Variants in IGSF5 observed in about 807,000 individuals in gnomAD.
The protein encoded by IGSF5 is immunoglobulin superfamily 5 like.
In IGSF5, 41 loss-of-function variants were observed where a neutral mutation model predicts 39.4. That is an observed-to-expected ratio of 1.04 (90% CI 0.81 to 1.35). The LOEUF is 1.35. Among genes scored for constraint, IGSF5 ranks in the 40% most tolerant of loss-of-function variants. The probability of loss-of-function intolerance (pLI) is 0.00; values close to 1 mark genes in which losing one functional copy is unlikely to be tolerated. For synonymous variants in IGSF5, 183 were observed against 175.3 expected, an observed-to-expected ratio of 1.04 and a Z score of -0.34; for missense variants, 487 against 494.6, an observed-to-expected ratio of 0.98 and a Z score of 0.15.
the IGSF5 span, among the ~76,000 whole-genome samples, chr21:39,735,200 C>G: frequency 6.6e-6 from 1 of 152,098 alleles, no homozygotes; most frequent in African/African-American, 2.4e-5. Flanking sequence ...CAAATATATG[C>G]TATGCTGGTA....
chr21:39,781,591 A>G (rs1285272224), intron 5 of IGSF5, among the ~76,000 whole-genome samples: 1 of 152,204 alleles, frequency 6.6e-6, no homozygotes, highest in Non-Finnish European at 1.5e-5. Context: ...CATGCTTACC[A>G]GCAACACATG....
At chr21:39,716,469 G>A in the IGSF5 span, among the ~76,000 whole-genome samples, 1 of 152,046 alleles carries the variant, frequency 6.6e-6, no homozygotes, top group Non-Finnish European at 1.5e-5. Context: ...GTACCCAATA[G>A]TTATCTTTTC....
At position 39,779,280 on chromosome 21, in the gene IGSF5, T is replaced by C. The variant is rs1451184706; in HGVS notation, c.909T>C (p.Cys303=). 1.2e-6 allele frequency: 2 copies of C among 1,613,396 alleles called. No individual in the cohort carries two copies. The highest frequency in any genetic ancestry group is 1.7e-6 in the Non-Finnish European group (2 of 1,179,420). The change falls in exon 5 of 9, where the codon TGT becomes TGC. Residue 303 remains cysteine, a synonymous_variant. Transcript: ENST00000380588. ...RCCGCNCCCR[C]CFCCRRKRGF... ...GTGGCTGCAACTGCTGCTGCCGTTG[T>C]TGTTTCTGCTGTAGAAGAAAAAGAG...
the IGSF5 span, among the ~76,000 whole-genome samples, chr21:39,732,282 A>C: frequency 0.22 from 33,096 of 152,094 alleles, 3,841 homozygotes; most frequent in Non-Finnish European, 0.26. Flanking sequence ...ATAGAGGGCA[A>C]ATTTTCTGCT....
In IGSF5 at chr21:39,801,349, G is replaced by A. The variant is rs2087027907; in HGVS notation, c.1216G>A (p.Val406Ile). The A allele has an allele frequency of 1.2e-5, 20 of 1,611,946 alleles. No individual in the cohort carries two copies. Among genetic ancestry groups the A allele is most frequent in the Non-Finnish European group, 1.4e-5 (16 of 1,178,086 alleles). Reference sequence around the variant, plus strand: ...TCCTGAGAAGGTCAGTAATACAACTGTAGTATAGCAAAGCCTTCCCCAAGC... The same window carrying A: ...TCCTGAGAAGGTCAGTAATACAACTATAGTATAGCAAAGCCTTCCCCAAGC... ...ASPEKVSNTT[V>I]V is the part of the protein sequence containing the mutation. The change falls in exon 9 of 9, where the codon GTA becomes ATA. Residue 406 changes from valine (V) to isoleucine (I), a missense_variant. Physicochemically the swap from Val to Ile is conservative, Grantham distance 29. Coordinates refer to ENST00000380588, the MANE Select transcript of IGSF5 (RefSeq NM_001080444.2).
At position 39,765,521 on chromosome 21, in the gene IGSF5, T is replaced by C. The variant is rs773415346; in HGVS notation, c.101-14T>C. 3 of 1,603,552 alleles carry C rather than the reference T, an allele frequency of 1.9e-6. No individual in the cohort carries two copies. The South Asian group carries it at 3.3e-5, about 18-fold the overall frequency. On this transcript the variant is annotated splice_polypyrimidine_tract_variant and intron_variant, in intron 2 of 8. Transcript: ENST00000380588. ...CCATTCATTTAACAACTTGAAAAAT[T>C]GGCTACCTTCCAGGTTCTGGGTCTG... is the stretch of plus-strand genomic sequence containing the variant.
At position 39,765,601 on chromosome 21, in the gene IGSF5, C is replaced by G; in HGVS notation, c.167C>G (p.Ala56Gly). The change falls in exon 3 of 9, where the codon GCT becomes GGT. Residue 56 changes from alanine (A) to glycine (G), a missense_variant. Ala to Gly is a moderately conservative substitution (Grantham distance 60, BLOSUM62 0). Coordinates refer to ENST00000380588, the MANE Select transcript of IGSF5 (RefSeq NM_001080444.2). Reference sequence around the variant, plus strand: ...GCAAGAGTCCTGAAGGGCTCCCAGGCTCGCTTCAACTGCACCGTCTCCCAG... The same window carrying G: ...GCAAGAGTCCTGAAGGGCTCCCAGGGTCGCTTCAACTGCACCGTCTCCCAG... ...QNARVLKGSQ[A>G]RFNCTVSQGW... is the part of the protein sequence containing the mutation. 1 of 1,614,130 alleles carries G rather than the reference C, an allele frequency of 6.2e-7. No individual in the cohort carries two copies. Among genetic ancestry groups the G allele is most frequent in the Non-Finnish European group, 8.5e-7 (1 of 1,179,980 alleles).
chr21:39,782,189 G>A lies in IGSF5; in HGVS notation c.934+2884G>A, dbSNP rs891981201. Among the ~76,000 whole-genome samples, 4 of 152,052 alleles carry A rather than the reference G, an allele frequency of 2.6e-5. No homozygotes were observed. In the South Asian group the frequency reaches 8.3e-4, roughly 32 times the overall value. On this transcript the variant is annotated intron_variant, in intron 5 of 8. Coordinates refer to ENST00000380588, the MANE Select transcript of IGSF5 (RefSeq NM_001080444.2). Reference sequence around the variant, plus strand: ...GCTCTCTATTCTGTTCCATTGGTCCGTTTGCCTATTCATGCACTTACACTG... The same window carrying A: ...GCTCTCTATTCTGTTCCATTGGTCCATTTGCCTATTCATGCACTTACACTG...
upstream of IGSF5, among the ~76,000 whole-genome samples, chr21:39,741,164 TG>T (rs2079947221): frequency 6.6e-6 from 1 of 152,214 alleles, no homozygotes; most frequent in African/African-American, 2.4e-5. Context: ...AGCTTAGCAC[TG>T]GGGCTTGCAT....
the IGSF5 span, among the ~76,000 whole-genome samples, chr21:39,732,966 C>T: frequency 6.6e-6 from 1 of 151,926 alleles, no homozygotes; most frequent in African/African-American, 2.4e-5. Flanking sequence ...GTCAAGGCTG[C>T]AGTGAACCAT....
the IGSF5 span, among the ~76,000 whole-genome samples, chr21:39,739,500 G>T: frequency 0.04 from 6,099 of 152,170 alleles, 407 homozygotes; most frequent in African/African-American, 0.14. Flanking sequence ...GAGCTAAGTT[G>T]CAAGCCCCTT....
At chr21:39,759,862 G>A (rs1332803991) in intron 2 of IGSF5, among the ~76,000 whole-genome samples, 10 of 134,328 alleles carry the variant, frequency 7.4e-5, no homozygotes, top group Non-Finnish European at 9.3e-5. Flanking sequence ...GCAAGACTCC[G>A]TCTCAAAAAA....
At chr21:39,766,140 G>A (rs2080086610) in intron 3 of IGSF5, among the ~76,000 whole-genome samples, 1 of 152,098 alleles carries the variant, frequency 6.6e-6, no homozygotes, top group Non-Finnish European at 1.5e-5. Context: ...ATGGACTAAT[G>A]TTTATTGTTT....
At chr21:39,772,288 T>C (rs549101005) in intron 4 of IGSF5, among the ~76,000 whole-genome samples, 1 of 152,274 alleles carries the variant, frequency 6.6e-6, no homozygotes, top group African/African-American at 2.4e-5. Context: ...CAGGGCAACC[T>C]GTACTCACCT....
At chr21:39,774,465 AG>A (rs1225820731) in intron 4 of IGSF5, among the ~76,000 whole-genome samples, 1 of 152,232 alleles carries the variant, frequency 6.6e-6, no homozygotes, top group Admixed American at 6.5e-5. Flanking sequence ...GGCAAGTCAC[AG>A]GGTTGTATGA....
chr21:39,772,741 A>G (rs1055552632), intron 4 of IGSF5, among the ~76,000 whole-genome samples: 2 of 152,148 alleles, frequency 1.3e-5, no homozygotes, highest in Admixed American at 6.5e-5. Flanking sequence ...ATTTGTCTAA[A>G]ATTTTTCATC....
the IGSF5 span, among the ~76,000 whole-genome samples, chr21:39,739,039 C>T: frequency 1.4e-3 from 210 of 152,144 alleles, no homozygotes; most frequent in Non-Finnish European, 2.6e-3. Flanking sequence ...CAGGAGCCCG[C>T]CACCACGCCC....
At chr21:39,785,403 T>A (rs1391569039) in intron 5 of IGSF5, among the ~76,000 whole-genome samples, 2 of 152,190 alleles carry the variant, frequency 1.3e-5, no homozygotes, top group African/African-American at 4.8e-5. Context: ...TCTGTTCTGT[T>A]CCATTGACCT....
At chr21:39,797,579 C>T (rs963616764) in intron 8 of IGSF5, among the ~76,000 whole-genome samples, 3 of 152,066 alleles carry the variant, frequency 2.0e-5, no homozygotes, top group African/African-American at 4.8e-5. Flanking sequence ...TGCAGTGGCA[C>T]GATCATAGCT....
Sources: allele counts gnomAD v4.1 joint callset (sites outside exome capture counted in the v4.1 genomes callset), GRCh38; gene constraint gnomAD v4.1.1; transcripts MANE v1.5; gene names NCBI Gene and HGNC (gene_info 2026-07-23, HGNC 2026-07-21).